The following AUTS2 variants were observed in gnomAD, a reference collection of about 807,000 sequenced individuals.
AUTS2 encodes the protein autism susceptibility gene 2 protein.
A neutral mutation model predicts 112.4 loss-of-function variants in AUTS2; 17 were observed. That is an observed-to-expected ratio of 0.15 (90% CI 0.10 to 0.23). The LOEUF is 0.23. Ranked by LOEUF, AUTS2 falls within the 10% of genes least tolerant of loss-of-function variation. The pLI, the probability that AUTS2 is intolerant of heterozygous loss-of-function variation, is 1.00. For missense variants in AUTS2, 1,510 were observed against 1,701.6 expected (o/e 0.89, Z 1.98); for synonymous variants, 751 against 702.7 (o/e 1.07, Z -1.09).
chr7:70,701,756 TAATC>T (rs1262715927), intron 6 of AUTS2, among the ~76,000 whole-genome samples: 1 of 152,226 alleles, frequency 6.6e-6, no homozygotes, highest in East Asian at 1.9e-4. Context: ...AGTTTAACTT[TAATC>T]AAGGTCATAG....
chr7:70,017,867 A>T (rs1800101015), intron 2 of AUTS2, among the ~76,000 whole-genome samples: 1 of 148,572 alleles, frequency 6.7e-6, no homozygotes, highest in South Asian at 2.1e-4. Flanking sequence ...TATTATATTT[A>T]TATATATATG....
At chr7:69,950,399 A>G (rs758946969) in intron 2 of AUTS2, among the ~76,000 whole-genome samples, 3 of 152,118 alleles carry the variant, frequency 2.0e-5, no homozygotes, top group African/African-American at 7.2e-5. Flanking sequence ...CTTTCTAGGT[A>G]TGTGATTTTG....
intron 1 of AUTS2, among the ~76,000 whole-genome samples, chr7:69,731,172 G>A (rs558210265): frequency 7.9e-5 from 12 of 152,118 alleles, no homozygotes; most frequent in Non-Finnish European, 1.3e-4. Flanking sequence ...TGCACCTTAA[G>A]TTCTAGCTAT....
chr7:70,784,294 T>A (rs761455459), intron 15 of AUTS2: 1 of 152,242 alleles, frequency 6.6e-6, no homozygotes, highest in Admixed American at 6.6e-5. Flanking sequence ...AACATACTCT[T>A]CAGGAGAAGG....
intron 4 of AUTS2, among the ~76,000 whole-genome samples, chr7:70,328,848 A>T (rs1210931046): frequency 6.6e-6 from 1 of 152,206 alleles, no homozygotes; most frequent in Non-Finnish European, 1.5e-5. Context: ...GATTTAGTAT[A>T]TCCACAGTGT....
intron 2 of AUTS2, among the ~76,000 whole-genome samples, chr7:69,993,142 C>T (rs891921577): frequency 2.6e-5 from 4 of 152,338 alleles, no homozygotes; most frequent in East Asian, 1.9e-4. Context: ...GAGACAAAGA[C>T]GATGACTGTT....
At chr7:69,870,779 T>A (rs969660825) in intron 1 of AUTS2, among the ~76,000 whole-genome samples, 4 of 152,052 alleles carry the variant, frequency 2.6e-5, no homozygotes, top group African/African-American at 9.7e-5. Context: ...AAATATAAAA[T>A]ATTTTTCTTC....
intron 1 of AUTS2, among the ~76,000 whole-genome samples, chr7:69,651,527 C>T (rs1245930156): frequency 3.3e-5 from 5 of 151,864 alleles, no homozygotes; most frequent in East Asian, 1.9e-4. Context: ...GAAATAGACC[C>T]GCCTACTATA....
At chr7:69,840,108 C>T (rs944862183) in intron 1 of AUTS2, among the ~76,000 whole-genome samples, 2 of 152,126 alleles carry the variant, frequency 1.3e-5, no homozygotes, top group East Asian at 3.8e-4. Flanking sequence ...CCCCCTCTAT[C>T]TTAAATATTC....
At chr7:70,320,054 T>C (rs1375394570) in intron 4 of AUTS2, among the ~76,000 whole-genome samples, 1 of 152,230 alleles carries the variant, frequency 6.6e-6, no homozygotes, top group Non-Finnish European at 1.5e-5. Flanking sequence ...AACCTCTACA[T>C]TGCTTTAGGT....
intron 1 of AUTS2, among the ~76,000 whole-genome samples, chr7:69,761,685 C>T (rs1360531248): frequency 1.3e-5 from 2 of 152,112 alleles, no homozygotes; most frequent in African/African-American, 4.8e-5. Context: ...CTTTAAGCCC[C>T]TAATTAACTT....
chr7:70,658,299 G>C (rs574450836), intron 5 of AUTS2, among the ~76,000 whole-genome samples: 7 of 152,298 alleles, frequency 4.6e-5, no homozygotes, highest in African/African-American at 1.4e-4. Context: ...TAGGGCACTA[G>C]GGGTGCCTGT....
At chr7:69,935,946 A>G (rs946029001) in intron 2 of AUTS2, among the ~76,000 whole-genome samples, 1 of 152,200 alleles carries the variant, frequency 6.6e-6, no homozygotes, top group African/African-American at 2.4e-5. Context: ...AAAGGCATTT[A>G]GTATATTTCA....
At chr7:70,377,784 T>G (rs1793182233) in intron 4 of AUTS2, among the ~76,000 whole-genome samples, 3 of 151,452 alleles carry the variant, frequency 2.0e-5, no homozygotes, top group South Asian at 4.2e-4. Context: ...TTTTTTTTTT[T>G]TTTTTGTGAC....
chr7:69,882,126 G>A (rs1794076662), intron 1 of AUTS2, among the ~76,000 whole-genome samples: 1 of 139,666 alleles, frequency 7.2e-6, no homozygotes, highest in Admixed American at 7.6e-5. Flanking sequence ...CTCCAGCCTG[G>A]GCAACAAGAG....
intron 5 of AUTS2, among the ~76,000 whole-genome samples, chr7:70,519,576 G>T (rs1253540980): frequency 6.6e-6 from 1 of 152,188 alleles, no homozygotes; most frequent in East Asian, 1.9e-4. Context: ...CTAACTTTGA[G>T]ATAAGTCTGA....
At chr7:70,139,461 A>G (rs1806740023) in intron 4 of AUTS2, among the ~76,000 whole-genome samples, 1 of 152,346 alleles carries the variant, frequency 6.6e-6, no homozygotes, top group Non-Finnish European at 1.5e-5. Context: ...AAAAGACGTC[A>G]TTCTACTCAT....
chr7:70,178,387 A>G (rs912422825), intron 4 of AUTS2, among the ~76,000 whole-genome samples: 4 of 152,158 alleles, frequency 2.6e-5, no homozygotes, highest in Non-Finnish European at 5.9e-5. Context: ...CATTATTGAC[A>G]TCATCTATAA....
At chr7:70,161,101 AC>A (rs1304860032) in intron 4 of AUTS2, among the ~76,000 whole-genome samples, 2 of 151,974 alleles carry the variant, frequency 1.3e-5, no homozygotes, top group Non-Finnish European at 1.5e-5. Flanking sequence ...TCCTTTTTTT[AC>A]CCTTGAAGAC....
Sources: allele counts gnomAD v4.1 joint callset (sites outside exome capture counted in the v4.1 genomes callset), GRCh38; gene constraint gnomAD v4.1.1; transcripts MANE v1.5; gene names NCBI Gene and HGNC (gene_info 2026-07-23, HGNC 2026-07-21).